HCK: variants seen among roughly 807,000 people sequenced by gnomAD.
The protein encoded by HCK is HCK proto-oncogene, Src family tyrosine kinase, also known as tyrosine-protein kinase HCK.
Under a neutral mutation model 70.4 loss-of-function variants are expected in HCK, and 40 were observed. The ratio of observed to expected loss-of-function variants is 0.57; its 90% confidence interval spans 0.44 to 0.74. The LOEUF (loss-of-function observed/expected upper bound fraction) is 0.74. Among genes scored for constraint, HCK ranks in the 30% least tolerant of loss-of-function variants. The pLI is 0.00. For synonymous variants in HCK, 245 were observed against 263.2 expected (o/e 0.93, Z 0.67); for missense variants, 568 against 697.2 (o/e 0.81, Z 2.09).
chr20:32,067,608 G>A (rs1224077113), intron 1 of HCK, among the ~76,000 whole-genome samples: 5 of 132,114 alleles, frequency 3.8e-5, no homozygotes, highest in African/African-American at 1.1e-4. Context: ...AGTATGGCAC[G>A]CCAGGCATGC....
At chr20:32,076,787 T>G (rs1219709249) in intron 5 of HCK, among the ~76,000 whole-genome samples, 1 of 151,968 alleles carries the variant, frequency 6.6e-6, no homozygotes, top group African/African-American at 2.4e-5. Flanking sequence ...GAACCACTGA[T>G]CTAAATACGC....
In HCK at chr20:32,100,686, T is replaced by C. The variant is rs940452232; in HGVS notation, c.1379-631T>C. 6.6e-5 allele frequency among the ~76,000 whole-genome samples: 10 copies of C among 152,324 alleles called. No homozygotes were observed. In the East Asian group the frequency reaches 1.2e-3, roughly 18 times the overall value. On this transcript the variant is annotated intron_variant, in intron 12 of 12. Transcript: ENST00000375852. ...CACAGACATTGAATGGCTATTCTTA[T>C]GAATAGCTAATAGAAACTTGAACTG...
At chr20:32,074,914 G>A (rs545019845) in intron 5 of HCK, among the ~76,000 whole-genome samples, 193 bp downstream of exon 5, 2 of 152,298 alleles carry the variant, frequency 1.3e-5, no homozygotes, top group African/African-American at 4.8e-5. Context: ...GTGGGTCCCA[G>A]CTGTGACTCT....
intron 10 of HCK, 22 bp downstream of exon 10, chr20:32,088,666 G>C (rs74654967): frequency 6.3e-7 from 1 of 1,598,710 alleles, no homozygotes; most frequent in African/African-American, 1.3e-5. Context: ...ACGAGGAAAC[G>C]GGGAAGGGAA....
chr20:32,100,209 A>G (rs2046015136), intron 12 of HCK, among the ~76,000 whole-genome samples: 1 of 152,090 alleles, frequency 6.6e-6, no homozygotes. Context: ...TGCCCAGCTA[A>G]TTCTTTAAAT....
At chr20:32,095,945 A>C (rs1385659468) in intron 11 of HCK, among the ~76,000 whole-genome samples, 1 of 151,636 alleles carries the variant, frequency 6.6e-6, no homozygotes, top group Non-Finnish European at 1.5e-5. Context: ...GCTGGAGTGC[A>C]TTGGCGCCAT....
At chr20:32,092,718 T>A (rs574318857) in intron 10 of HCK, among the ~76,000 whole-genome samples, 1 of 152,068 alleles carries the variant, frequency 6.6e-6, no homozygotes, top group African/African-American at 2.4e-5. Flanking sequence ...CTCTGTGGCA[T>A]CTTCTGCTGG....
At chr20:32,072,145 T>A (rs963032770) in intron 2 of HCK, 4 of 230,294 alleles carry the variant, frequency 1.7e-5, no homozygotes, top group Non-Finnish European at 3.4e-5. Context: ...ATCAGCAGCA[T>A]TGCAAAAATA....
chr20:32,080,587 G>A (rs113478993), intron 6 of HCK, among the ~76,000 whole-genome samples: 15,366 of 152,150 alleles, frequency 0.1, 1,100 homozygotes, highest in African/African-American at 0.2. Context: ...TCTGCCTCCT[G>A]GGCTCAAATG....
At chr20:32,098,632 G>C (rs926269813) in intron 11 of HCK, among the ~76,000 whole-genome samples, 16 of 152,324 alleles carry the variant, frequency 1.1e-4, no homozygotes, top group African/African-American at 3.8e-4. Context: ...CCCAGGATGA[G>C]AGGACTGAGG....
rs113655359 is a variant in HCK at position 32,086,601 on chromosome 20, C to A, written c.836-27C>A. ...ACGGGAGACCAGTGGGCTCTGACCA[C>A]CTTCCCTGCTCTCTATCCCCCTCCA... On this transcript the variant is annotated intron_variant, in intron 8 of 12. Transcript: ENST00000375852. The A allele has an allele frequency of 3.0e-4, 466 of 1,576,028 alleles. 2 individuals are homozygous for A. The African/African-American group carries it at 5.3e-3, about 18-fold the overall frequency.
At chr20:32,091,885 T>C (rs1003986257) in intron 10 of HCK, among the ~76,000 whole-genome samples, 3 of 151,274 alleles carry the variant, frequency 2.0e-5, no homozygotes, top group Non-Finnish European at 4.4e-5. Flanking sequence ...CTTGGGAAGC[T>C]GAGGTGGGAA....
intron 2 of HCK, chr20:32,072,081 T>C: frequency 2.5e-6 from 1 of 395,152 alleles, no homozygotes; most frequent in Non-Finnish European, 4.6e-6. Flanking sequence ...AAAGCAGTGC[T>C]GAGAAACGAG....
chr20:32,080,732 G>A (rs2045697813), intron 6 of HCK, among the ~76,000 whole-genome samples: 2 of 151,864 alleles, frequency 1.3e-5, no homozygotes, highest in African/African-American at 2.4e-5. Flanking sequence ...GGCTGGCCTC[G>A]AACTTCTGGA....
intron 6 of HCK, among the ~76,000 whole-genome samples, chr20:32,082,710 C>T (rs1288061430): frequency 6.6e-6 from 1 of 152,126 alleles, no homozygotes; most frequent in Non-Finnish European, 1.5e-5. Context: ...TGGTAAAGAA[C>T]ACTGAGACAG....
At chr20:32,062,797 A>T (rs1184624450) in intron 1 of HCK, among the ~76,000 whole-genome samples, 1 of 152,224 alleles carries the variant, frequency 6.6e-6, no homozygotes, top group Non-Finnish European at 1.5e-5. Context: ...TTCAGAAGAC[A>T]GTCAGGGAAC....
At chr20:32,067,626 C>T (rs891650378) in intron 1 of HCK, among the ~76,000 whole-genome samples, 17 of 138,752 alleles carry the variant, frequency 1.2e-4, no homozygotes, top group African/African-American at 4.5e-4. Context: ...TGCAGCCATT[C>T]ACTCACTGTG....
chr20:32,088,999 T>G (rs1432838536), intron 10 of HCK, among the ~76,000 whole-genome samples: 1 of 152,236 alleles, frequency 6.6e-6, no homozygotes, highest in African/African-American at 2.4e-5. Context: ...GTGCAGATGT[T>G]GGCACTTGCC....
At chr20:32,100,215 T>TA (rs2046015227) in intron 12 of HCK, among the ~76,000 whole-genome samples, 1 of 152,176 alleles carries the variant, frequency 6.6e-6, no homozygotes, top group Admixed American at 6.5e-5. Flanking sequence ...GCTAATTCTT[T>TA]AAATTTTTTG....
Sources: allele counts gnomAD v4.1 joint callset (sites outside exome capture counted in the v4.1 genomes callset), GRCh38; gene constraint gnomAD v4.1.1; transcripts MANE v1.5; gene names NCBI Gene and HGNC (gene_info 2026-07-23, HGNC 2026-07-21).